Variants in TM2D1 observed in about 807,000 individuals in gnomAD.
TM2D1 encodes the protein TM2 domain containing 1.
In TM2D1, 15 loss-of-function variants were observed where a neutral mutation model predicts 28.4. The observed-to-expected ratio is 0.53, with a 90% CI of 0.35 to 0.81. The LOEUF (loss-of-function observed/expected upper bound fraction) is 0.81. TM2D1 is among the 40% of genes least tolerant of loss of function. The pLI, the probability that TM2D1 is intolerant of heterozygous loss-of-function variation, is 0.01. For synonymous variants in TM2D1, 93 were observed against 96.2 expected (o/e 0.97, Z 0.20); for missense variants, 236 against 254.9 (o/e 0.93, Z 0.50).
In TM2D1 at chr1:61,696,084, G is replaced by T. The variant is rs1644360729; in HGVS notation, c.440-1314C>A. 4 of 152,074 alleles carry T rather than the reference G, an allele frequency of 2.6e-5. No homozygotes were observed. The South Asian group carries it at 8.3e-4, about 32-fold the overall frequency. The allele number at this position is 152,074 out of a possible 1,614,324, so 9.4% of individuals were successfully genotyped here. ...CATTACCTTAATAAAAACTCCTTTA[G>T]TTTTTTCATTAGTTGCATGGTACTA... On this transcript the variant is annotated intron_variant, in intron 4 of 6. Transcript: ENST00000606498.
intron 3 of TM2D1, among the ~76,000 whole-genome samples, chr1:61,706,329 G>A (rs1340498488): frequency 2.0e-5 from 3 of 151,934 alleles, no homozygotes; most frequent in Non-Finnish European, 2.9e-5. Context: ...TCAGCCTCTC[G>A]AGTAGCTGGG....
chr1:61,696,035 C>T (rs934196753), intron 4 of TM2D1: 8 of 152,148 alleles, frequency 5.3e-5, no homozygotes, highest in African/African-American at 1.2e-4. Flanking sequence ...ATTTCTGCTT[C>T]CCAAACACTC....
intron 6 of TM2D1, 67 bp from the exon 7 acceptor site, chr1:61,681,417 A>G (rs1273703698): frequency 6.6e-6 from 1 of 152,220 alleles, no homozygotes; most frequent in South Asian, 2.1e-4. Context: ...GTTATTGCAG[A>G]TGTACATTTT....
chr1:61,685,721 T>C (rs560004586), intron 5 of TM2D1, among the ~76,000 whole-genome samples: 46 of 152,360 alleles, frequency 3.0e-4, no homozygotes, highest in African/African-American at 1.1e-3. Context: ...TTGACACTTA[T>C]TTATGAGTTT....
At chr1:61,715,144 C>T (rs1208200310) in intron 2 of TM2D1, among the ~76,000 whole-genome samples, 1 of 152,028 alleles carries the variant, frequency 6.6e-6, no homozygotes, top group East Asian at 1.9e-4. Context: ...TGAACTGTTG[C>T]TCCAAATAAG....
chr1:61,694,713 A>C lies in TM2D1; in HGVS notation c.497T>G (p.Ile166Ser). 1.2e-6 allele frequency: 2 copies of C among 1,604,478 alleles called. No individual in the cohort carries two copies. The change falls in exon 5 of 7, where the codon ATT becomes AGT. Residue 166 changes from isoleucine to serine, a missense_variant. Ile to Ser is a moderately radical substitution (Grantham distance 142, BLOSUM62 -2). Around this residue, in one of 3 missense-constraint regions of TM2D1, gnomAD observed 64 missense variants for 73.1 expected, o/e 0.88. Transcript: ENST00000606498. Reference sequence around the variant, plus strand: ...GAAACTTACCTGCATTGAAATAAGAATGAAATCAATTAGGCTCCCAATTCC... The same window carrying C: ...GAAACTTACCTGCATTGAAATAAGACTGAAATCAATTAGGCTCCCAATTCC... The part of the protein sequence containing the change: ...FCGIGSLIDF[I>S]LISMQIVGPS...
Position 61,725,019 on chromosome 1 carries a change from C to A in TM2D1, c.102G>T (p.Gly34=). 5 of 1,611,928 alleles carry A rather than the reference C, an allele frequency of 3.1e-6. No individual in the cohort carries two copies. Among genetic ancestry groups the A allele is most frequent in the Non-Finnish European group, 4.2e-6 (5 of 1,178,268 alleles). The change falls in exon 1 of 7, where the codon GGG becomes GGT. Residue 34 remains glycine (G), a synonymous_variant. Transcript: ENST00000606498. ...WFVSVTTGPW[G]AVATSAGGEE... is the part of the protein sequence containing the mutation. ...CGCCCCCGGCGGAGGTGGCAACAGC[C>A]CCCCAGGGTCCTGTAGTGACTGAGA...
chr1:61,723,671 T>G (rs1398940441), intron 2 of TM2D1, 42 bp downstream of exon 2: 1 of 1,125,282 alleles, frequency 8.9e-7, no homozygotes, highest in Non-Finnish European at 1.3e-6. Flanking sequence ...TGAAATAATG[T>G]TTTTAAAATT....
At chr1:61,706,970 A>C (rs1026629806) in intron 3 of TM2D1, among the ~76,000 whole-genome samples, 5 of 152,140 alleles carry the variant, frequency 3.3e-5, no homozygotes, top group African/African-American at 9.7e-5. Flanking sequence ...AATATCTTAT[A>C]AGGGCCAGGC....
At chr1:61,697,099 GA>G (rs1644368544) in intron 4 of TM2D1, among the ~76,000 whole-genome samples, 1 of 151,962 alleles carries the variant, frequency 6.6e-6, no homozygotes, top group Admixed American at 6.6e-5. Flanking sequence ...TTTATATTTG[GA>G]AACCTAAAAC....
At chr1:61,710,652 A>C (rs1374312120) in intron 2 of TM2D1, among the ~76,000 whole-genome samples, 3 of 151,850 alleles carry the variant, frequency 2.0e-5, no homozygotes, top group Non-Finnish European at 4.4e-5. Context: ...TAATACTTTT[A>C]GATTAGTTTC....
At chr1:61,704,185 T>C (rs933417372) in intron 3 of TM2D1, among the ~76,000 whole-genome samples, 2 of 152,226 alleles carry the variant, frequency 1.3e-5, no homozygotes, top group African/African-American at 4.8e-5. Context: ...CCACTGCGCC[T>C]GGCTATTTAT....
chr1:61,722,050 T>C (rs1644572052), intron 2 of TM2D1, among the ~76,000 whole-genome samples: 1 of 151,436 alleles, frequency 6.6e-6, no homozygotes, highest in African/African-American at 2.4e-5. Context: ...GGCAGGCAGA[T>C]TGCTTGAACC....
At chr1:61,692,166 G>C (rs1343842390) in intron 5 of TM2D1, among the ~76,000 whole-genome samples, 1 of 151,198 alleles carries the variant, frequency 6.6e-6, no homozygotes, top group South Asian at 2.1e-4. Flanking sequence ...CATATTATCT[G>C]TATATTTTTA....
intron 5 of TM2D1, among the ~76,000 whole-genome samples, chr1:61,686,474 T>C (rs2148033013): frequency 6.6e-6 from 1 of 151,334 alleles, no homozygotes; most frequent in South Asian, 2.1e-4. Context: ...CTGGCCAACA[T>C]GGCAAAACCC....
rs147863719 is a variant in TM2D1 at position 61,723,788 on chromosome 1, TA to T, written c.165-3del. On this transcript the variant is annotated splice_polypyrimidine_tract_variant and splice_region_variant and intron_variant, in intron 1 of 6. Transcript: ENST00000606498. ...ATTTTTGGATCTTTACAAATATATG[TA>T]AAAAAAAAAGTTAAGGAAATACGGA... is the stretch of plus-strand genomic sequence containing the variant. 3.5e-3 allele frequency: 4,607 copies of T among 1,322,310 alleles called. No homozygotes were observed. Among genetic ancestry groups the T allele is most frequent in the South Asian group, 5.4e-3 (369 of 67,990 alleles). 81.9% of individuals were successfully genotyped at this position (1,322,310 alleles called of 1,614,324 possible). A position where few individuals can be genotyped will look rare whatever the true frequency, so the allele number is the denominator to read the frequency against.
At chr1:61,717,791 T>A (rs987106158) in intron 2 of TM2D1, among the ~76,000 whole-genome samples, 1 of 151,606 alleles carries the variant, frequency 6.6e-6, no homozygotes, top group Non-Finnish European at 1.5e-5. Context: ...CCAGAAATAA[T>A]GTAATCAGAC....
At chr1:61,701,360 G>A (rs1342298750) in intron 3 of TM2D1, among the ~76,000 whole-genome samples, 16 of 141,566 alleles carry the variant, frequency 1.1e-4, no homozygotes, top group Admixed American at 9.4e-4. Flanking sequence ...TGTGTAGAAT[G>A]CCGGGAGCCA....
At chr1:61,692,496 A>G (rs1382659913) in intron 5 of TM2D1, among the ~76,000 whole-genome samples, 2 of 152,008 alleles carry the variant, frequency 1.3e-5, no homozygotes, top group African/African-American at 4.8e-5. Flanking sequence ...AAGAAAGAAA[A>G]AGAAAGAGAA....
Sources: gnomAD v4.1 joint callset for allele counts (sites outside exome capture counted in the v4.1 genomes callset) on GRCh38, gnomAD v4.1.1 for gene constraint, gnomAD v4.1.1 regional missense constraint, MANE v1.5 for transcripts, NCBI Gene and HGNC (gene_info 2026-07-23, HGNC 2026-07-21) for gene names.